Variants in COL2A1 observed in about 807,000 individuals in gnomAD.
COL2A1 encodes collagen type II alpha 1 chain.
COL2A1 carries 28 observed loss-of-function variants against 204.5 expected under a neutral mutation model. That is an observed-to-expected ratio of 0.14 (90% CI 0.10 to 0.19). The LOEUF (loss-of-function observed/expected upper bound fraction) is 0.19, where lower values mean the gene tolerates loss of function less well. Among genes scored for constraint, COL2A1 ranks in the 10% least tolerant of loss-of-function variants. The pLI is 1.00. For synonymous variants in COL2A1, 708 were observed against 718.7 expected, an observed-to-expected ratio of 0.99 and a Z score of 0.24; for missense variants, 1,388 against 2,027.5, an observed-to-expected ratio of 0.68 and a Z score of 6.06.
rs529461465 is a variant in COL2A1, at chr12:47,988,940, T to G, written c.1122+288A>C. Among the ~76,000 whole-genome samples, 431 of 152,390 alleles carry G rather than the reference T, an allele frequency of 2.8e-3. 3 individuals carry two copies. The highest frequency in any genetic ancestry group is 0.018 in the South Asian group (86 of 4,834). On this transcript the variant is annotated intron_variant, in intron 18 of 53. Transcript: ENST00000380518. ...GCTGCCACTCCTGGCCTTCTGCCCC[T>G]GCCAGGCCTATGGTGTATCCCCGTC...
At chr12:47,992,717 A>T (rs1301309441) in intron 16 of COL2A1, among the ~76,000 whole-genome samples, 161 bp downstream of exon 16, 1 of 151,988 alleles carries the variant, frequency 6.6e-6, no homozygotes, top group Non-Finnish European at 1.5e-5. Context: ...AACTGTGCAG[A>T]CTCAGCCTGG....
chr12:47,993,377 T>C, intron 15 of COL2A1, 81 bp downstream of exon 15: 1 of 1,083,004 alleles, frequency 9.2e-7, no homozygotes, highest in African/African-American at 1.5e-5. Flanking sequence ...AATATGAACT[T>C]TGCACAAAGG....
chr12:47,982,651 T>C (rs1343996473), intron 33 of COL2A1, 42 bp from the exon 34 acceptor site: 1 of 1,444,054 alleles, frequency 6.9e-7, no homozygotes, highest in Non-Finnish European at 9.6e-7. Flanking sequence ...GGACAGCACC[T>C]CTCCCTGAAC....
Position 47,978,306 on chromosome 12 carries a change from G to T in COL2A1, c.2988C>A (p.Gly996=). 6.2e-7 allele frequency: 1 copy of T among 1,613,984 alleles called. No individual in the cohort carries two copies. The highest frequency in any genetic ancestry group is 8.5e-7 in the Non-Finnish European group (1 of 1,180,004). ...PGQRGERGFP[G]LPGPSGEPGK... ...CCACACTCACCGACGGGCCAGGCAA[G>T]CCAGGGAATCCTCTCTCACCACGTT... Residue 996 remains glycine, a synonymous_variant, in exon 43 of 54, where the codon GGC becomes GGA. Coordinates refer to ENST00000380518, the MANE Select transcript of COL2A1 (RefSeq NM_001844.5). The surrounding 1 kb of genome is among the most constrained non-coding windows in gnomAD (Gnocchi z 5.5).
At chr12:47,973,641 G>A (rs909086618) in intron 53 of COL2A1, 88 bp from the exon 54 acceptor site, 8 of 1,518,986 alleles carry the variant, frequency 5.3e-6, no homozygotes, top group Non-Finnish European at 6.4e-6. Context: ...TGAACAAACT[G>A]GCGAGCATCA....
Position 47,986,446 on chromosome 12 carries a change from G to T in COL2A1, c.1420-3C>A. On this transcript the variant is annotated splice_region_variant and splice_polypyrimidine_tract_variant and intron_variant, in intron 22 of 53. Transcript: ENST00000380518. The stretch of plus-strand genomic sequence containing the variant: ...GCTCCCTGGGGGCCAGCAGGGCCCT[G>T]AGGACCAGCAAAAAAGAGAAACAGA... 6.5e-7 allele frequency: 1 copy of T among 1,542,688 alleles called. No individual in the cohort carries two copies. The highest frequency in any genetic ancestry group is 8.8e-7 in the Non-Finnish European group (1 of 1,137,394).
intron 1 of COL2A1, among the ~76,000 whole-genome samples, chr12:48,000,581 G>A (rs1161770495): frequency 6.6e-6 from 1 of 152,170 alleles, no homozygotes; most frequent in African/African-American, 2.4e-5. Flanking sequence ...GAGCAGAGAA[G>A]TCTTCTTTCT....
At chr12:47,989,057 G>A (rs1939576889) in intron 18 of COL2A1, among the ~76,000 whole-genome samples, 171 bp downstream of exon 18, 1 of 152,214 alleles carries the variant, frequency 6.6e-6, no homozygotes, top group Non-Finnish European at 1.5e-5. Context: ...GTGAGACTGC[G>A]AGTGTCTGGC....
At position 47,974,222 on chromosome 12, in the gene COL2A1, T is replaced by C. The variant is rs1446139943; in HGVS notation, c.4184A>G (p.Asn1395Ser). The C allele has an allele frequency of 6.2e-7, 1 of 1,614,238 alleles. No individual in the cohort carries two copies. The highest frequency in any genetic ancestry group is 1.1e-5 in the South Asian group (1 of 91,092). ...TGCTTCGTCCAGATAGGCAATGCTG[T>C]TCTTGCAGTGGTAGGTGATGTTCTG... is the stretch of plus-strand genomic sequence containing the variant. Reference protein sequence around the residue: ...GSQNITYHCKNSIAYLDEAAG... With the variant: ...GSQNITYHCKSSIAYLDEAAG... Residue 1395 changes from asparagine to serine, a missense_variant, in exon 53 of 54, where the codon AAC becomes AGC. Physicochemically the swap from Asn to Ser is conservative, Grantham distance 46 (BLOSUM62 1). Around this residue, in one of 3 missense-constraint regions of COL2A1, gnomAD observed 303 missense variants for 369.2 expected, o/e 0.82. Transcript: ENST00000380518.
Position 47,996,734 on chromosome 12 carries a change from T to C in COL2A1, c.532-109A>G, listed in dbSNP as rs141414371. 4.5e-6 allele frequency: 4 copies of C among 892,536 alleles called. 1 individual carries two copies. The highest frequency in any genetic ancestry group is 2.6e-5 in the South Asian group (2 of 76,550). The allele number at this position is 892,536 out of a possible 1,614,324, so 55.3% of individuals were successfully genotyped here. On this transcript the variant is annotated intron_variant, in intron 7 of 53. Transcript: ENST00000380518. Reference sequence around the variant, plus strand: ...AGAACTCTACTGAGATAAACTCTGATTGTTGGAGACTAACCTATCATTGAT... The same window carrying C: ...AGAACTCTACTGAGATAAACTCTGACTGTTGGAGACTAACCTATCATTGAT...
At chr12:47,994,359 T>G in intron 12 of COL2A1, 65 bp downstream of exon 12, 1 of 1,561,170 alleles carries the variant, frequency 6.4e-7, no homozygotes, top group South Asian at 1.1e-5. Flanking sequence ...GGATGCACTG[T>G]GTTTAAGGCC....
intron 1 of COL2A1, among the ~76,000 whole-genome samples, chr12:48,002,268 T>C (rs1392560516): frequency 6.6e-6 from 1 of 152,124 alleles, no homozygotes; most frequent in African/African-American, 2.4e-5. Context: ...GGCTCTGAAA[T>C]GCAGATGAGG....
In COL2A1 at chr12:47,987,540, A is replaced by G. The variant is rs1939492836; in HGVS notation, c.1221+71T>C. On this transcript the variant is annotated intron_variant, in intron 19 of 53. Coordinates refer to ENST00000380518, the MANE Select transcript of COL2A1 (RefSeq NM_001844.5). The surrounding 1 kb of genome is among the most constrained non-coding windows in gnomAD (Gnocchi z 4.1). ...GGTTGGAGCCCACAACTGTCAGAGCAAAGTACAGAGTCAAGAGTTCCAAAG... is the reference window on the plus strand; with the variant it reads ...GGTTGGAGCCCACAACTGTCAGAGCGAAGTACAGAGTCAAGAGTTCCAAAG... 1.5e-6 allele frequency: 2 copies of G among 1,373,080 alleles called. No homozygotes were observed. The highest frequency in any genetic ancestry group is 1.2e-5 in the South Asian group (1 of 82,038). The allele number at this position is 1,373,080 out of a possible 1,614,324, so 85.1% of individuals were successfully genotyped here.
chr12:47,998,596 G>A (rs1290268377), intron 2 of COL2A1, 165 bp from the exon 3 acceptor site: 2 of 693,026 alleles, frequency 2.9e-6, no homozygotes, highest in Non-Finnish European at 5.0e-6. Flanking sequence ...GGGGTGTTAG[G>A]GCCACTGTGG....
Position 47,986,431 on chromosome 12 carries a change from G to A in COL2A1, c.1432C>T (p.Pro478Ser), listed in dbSNP as rs1293240591. 2 of 1,556,608 alleles carry A rather than the reference G, an allele frequency of 1.3e-6. No homozygotes were observed. The highest frequency in any genetic ancestry group is 1.7e-6 in the Non-Finnish European group (2 of 1,148,984). The change falls in exon 23 of 54, where the codon CCC (proline) becomes TCC (serine). Residue 478 changes from proline to serine, a missense_variant. Physicochemically the swap from Pro to Ser is moderately conservative, Grantham distance 74 (BLOSUM62 -1). This residue lies in a region of COL2A1 where 884 missense variants were observed against 1,415.8 expected (regional missense o/e 0.62). Transcript: ENST00000380518. The stretch of plus-strand genomic sequence containing the variant: ...CCAGCGGGTCCAGGGGCTCCCTGGG[G>A]GCCAGCAGGGCCCTGAGGACCAGCA... The part of the protein sequence containing the change: ...GPKGEPGPAG[P>S]QGAPGPAGEE...
intron 22 of COL2A1, 86 bp downstream of exon 22, chr12:47,986,749 G>C: frequency 6.9e-7 from 1 of 1,459,584 alleles, no homozygotes; most frequent in Non-Finnish European, 9.6e-7. Flanking sequence ...AGCCCTGGAG[G>C]AGGGAGGTGG....
chr12:47,980,878 A>AT lies in COL2A1; in HGVS notation c.2517+36_2517+37insA. 1 of 1,549,660 alleles carries AT rather than the reference A, an allele frequency of 6.5e-7. No individual in the cohort carries two copies. Among genetic ancestry groups the AT allele is most frequent in the South Asian group, 1.2e-5 (1 of 84,014 alleles). ...GGGTGCTGGATGTGGAACTGGCCTG[A>AT]GTGGAGGGACCCAGGAGGATGGACA... On this transcript the variant is annotated intron_variant, in intron 38 of 53. Coordinates refer to ENST00000380518, the MANE Select transcript of COL2A1 (RefSeq NM_001844.5). This position sits in a 1 kb window ranked among gnomAD's most constrained non-coding sequence, Gnocchi z 4.5.
intron 1 of COL2A1, 48 bp from the exon 2 acceptor site, chr12:48,000,173 G>A (rs1940167770): frequency 7.5e-7 from 1 of 1,337,372 alleles, no homozygotes; most frequent in Non-Finnish European, 1.1e-6. Context: ...GGGAAGGAGG[G>A]GGTGGGGAGC....
chr12:47,983,235 G>A, intron 31 of COL2A1, 98 bp from the exon 32 acceptor site: 1 of 1,509,686 alleles, frequency 6.6e-7, no homozygotes, highest in Non-Finnish European at 9.1e-7. Context: ...CTCCCATGGG[G>A]GATTGTGTCA....
Sources: allele counts gnomAD v4.1 joint callset (sites outside exome capture counted in the v4.1 genomes callset), GRCh38; gene constraint gnomAD v4.1.1; regional missense constraint gnomAD v4.1.1; non-coding constraint Gnocchi (gnomAD v3.1); transcripts MANE v1.5; gene names NCBI Gene and HGNC (gene_info 2026-07-23, HGNC 2026-07-21).